Variants in RALY observed in about 807,000 individuals in gnomAD.
The protein encoded by RALY is RALY heterogeneous nuclear ribonucleoprotein, also known as RNA-binding protein Raly.
A neutral mutation model predicts 30.7 loss-of-function variants in RALY; 15 were observed. That is an observed-to-expected ratio of 0.49 (90% CI 0.33 to 0.75). The LOEUF (loss-of-function observed/expected upper bound fraction) is 0.75, where lower values mean the gene tolerates loss of function less well. RALY is among the 30% of genes least tolerant of loss of function. The probability of loss-of-function intolerance (pLI) is 0.02; values close to 1 mark genes in which losing one functional copy is unlikely to be tolerated. For missense variants in RALY, 339 were observed against 414.3 expected (o/e 0.82, Z 1.58); for synonymous variants, 177 against 170.8 (o/e 1.04, Z -0.28).
chr20:34,078,590 A>T (rs1410057946), intron 9 of RALY, 37 bp downstream of exon 9: 40 of 1,506,532 alleles, frequency 2.7e-5, no homozygotes, highest in Non-Finnish European at 3.3e-5. Context: ...GAGGGTGGGG[A>T]ATCAGTGAAG....
intron 1 of RALY, among the ~76,000 whole-genome samples, chr20:34,028,740 C>T (rs1482999005): frequency 7.4e-6 from 1 of 135,938 alleles, no homozygotes; most frequent in Non-Finnish European, 1.5e-5. Flanking sequence ...AAAAACATGG[C>T]AGAGAGAGTG....
intron 1 of RALY, among the ~76,000 whole-genome samples, chr20:34,022,082 C>A (rs928365623): frequency 1.4e-5 from 2 of 147,288 alleles, no homozygotes; most frequent in African/African-American, 2.5e-5. Context: ...TTTTTTCTTT[C>A]TTTCTTTCTT....
chr20:34,071,596 T>C (rs1477334684), intron 2 of RALY, among the ~76,000 whole-genome samples: 1 of 152,136 alleles, frequency 6.6e-6, no homozygotes, highest in Non-Finnish European at 1.5e-5. Flanking sequence ...TTTCATCATA[T>C]GGTGGTGGTC....
At position 34,048,853 on chromosome 20, in the gene RALY, CA is replaced by C. The variant is rs58117454; in HGVS notation, c.-10+17267del. On this transcript the variant is annotated intron_variant, in intron 2 of 9. Coordinates refer to ENST00000246194, the MANE Select transcript of RALY (RefSeq NM_016732.3). ...CCTGGGAGACAGCGAGACTCCGTCT[CA>C]AAAAAAAAAAAAAAAAATTTTCTCT... Among the ~76,000 whole-genome samples the C allele has an allele frequency of 1.4e-3, 145 of 105,620 alleles. 1 individual carries two copies. Among genetic ancestry groups the C allele is most frequent in the African/African-American group, 3.2e-3 (87 of 27,604 alleles). 69.3% of individuals were successfully genotyped at this position (105,620 alleles called of 152,430 possible). A position where few individuals can be genotyped will look rare whatever the true frequency, so the allele number is the denominator to read the frequency against.
chr20:34,002,828 T>C (rs909121726), intron 1 of RALY, among the ~76,000 whole-genome samples: 4 of 152,210 alleles, frequency 2.6e-5, no homozygotes, highest in East Asian at 1.9e-4. Context: ...TCGCTTCTTA[T>C]GTAGAAATGA....
intron 9 of RALY, among the ~76,000 whole-genome samples, chr20:34,079,076 GA>G (rs2033973762): frequency 6.6e-6 from 1 of 152,210 alleles, no homozygotes; most frequent in Non-Finnish European, 1.5e-5. Context: ...GTTGGTAGAG[GA>G]CTCTGCTTAT....
At chr20:34,058,707 C>T (rs2033329316) in intron 2 of RALY, among the ~76,000 whole-genome samples, 1 of 152,144 alleles carries the variant, frequency 6.6e-6, no homozygotes, top group Non-Finnish European at 1.5e-5. Context: ...ATGAGATGTC[C>T]AAGGTCACAC....
chr20:34,008,294 G>A (rs2123002940), intron 1 of RALY, among the ~76,000 whole-genome samples: 1 of 152,254 alleles, frequency 6.6e-6, no homozygotes, highest in Non-Finnish European at 1.5e-5. Context: ...AAGGAATCTG[G>A]GGAACATAGA....
intron 2 of RALY, among the ~76,000 whole-genome samples, chr20:34,064,334 A>C (rs2033505136): frequency 6.6e-6 from 1 of 152,160 alleles, no homozygotes; most frequent in Admixed American, 6.5e-5. Flanking sequence ...TTATATACCC[A>C]GAGCATGCTA....
chr20:34,017,687 G>C lies in RALY; in HGVS notation c.-92-13835G>C, dbSNP rs540774348. ...AGTGCAGAGTCAGGTTTCTGAACTGGCCTTGTGCAAGGAGAGGGAAGGGAT... is the reference window on the plus strand; with the variant it reads ...AGTGCAGAGTCAGGTTTCTGAACTGCCCTTGTGCAAGGAGAGGGAAGGGAT... On this transcript the variant is annotated intron_variant, in intron 1 of 9. Transcript: ENST00000246194. The C allele has an allele frequency of 3.3e-5, 5 of 152,388 alleles. No individual in the cohort carries two copies. In the East Asian group the frequency reaches 9.6e-4, roughly 29 times the overall value. 9.4% of individuals were successfully genotyped at this position (152,388 alleles called of 1,614,324 possible).
chr20:34,008,288 A>C (rs182436875), intron 1 of RALY, among the ~76,000 whole-genome samples: 88 of 152,236 alleles, frequency 5.8e-4, no homozygotes, highest in Middle Eastern at 3.4e-3. Flanking sequence ...ATGCTGAAGG[A>C]ATCTGGGGAA....
chr20:34,067,324 C>T (rs544043138), intron 2 of RALY, among the ~76,000 whole-genome samples: 18 of 152,142 alleles, frequency 1.2e-4, no homozygotes, highest in African/African-American at 3.9e-4. Flanking sequence ...CCACCATGCC[C>T]GGCTAATTTT....
intron 9 of RALY, among the ~76,000 whole-genome samples, chr20:34,079,274 A>G (rs2033980346): frequency 1.3e-5 from 2 of 152,222 alleles, no homozygotes; most frequent in Non-Finnish European, 2.9e-5. Context: ...TAAAGGGTGC[A>G]GGGAGATAAG....
At chr20:34,008,979 TA>T (rs1363281494) in intron 1 of RALY, among the ~76,000 whole-genome samples, 1 of 152,264 alleles carries the variant, frequency 6.6e-6, no homozygotes, top group East Asian at 1.9e-4. Flanking sequence ...TTGAGTGGAA[TA>T]AAAGCCTGGG....
chr20:34,011,661 C>T (rs143138902), intron 1 of RALY, among the ~76,000 whole-genome samples: 73 of 152,318 alleles, frequency 4.8e-4, no homozygotes, highest in African/African-American at 1.7e-3. Flanking sequence ...CTGTAGGAAA[C>T]AGCTTCTATA....
At chr20:34,060,031 T>A (rs1271417634) in intron 2 of RALY, among the ~76,000 whole-genome samples, 2 of 152,220 alleles carry the variant, frequency 1.3e-5, no homozygotes. Context: ...ATTCAGCACT[T>A]AATAAGTACC....
At chr20:34,005,324 A>G (rs988262288) in intron 1 of RALY, among the ~76,000 whole-genome samples, 1 of 152,060 alleles carries the variant, frequency 6.6e-6, no homozygotes, top group African/African-American at 2.4e-5. Context: ...ATCCTGACGG[A>G]GTAGTGAAAC....
In RALY at chr20:34,073,585, T is replaced by A; in HGVS notation, c.279T>A (p.Pro93=). The A allele has an allele frequency of 1.2e-6, 2 of 1,604,106 alleles. No individual in the cohort carries two copies. The highest frequency in any genetic ancestry group is 1.7e-6 in the Non-Finnish European group (2 of 1,170,856). Residue 93 remains proline (P), a synonymous_variant, in exon 4 of 10, where the codon CCT becomes CCA. Coordinates refer to ENST00000246194, the MANE Select transcript of RALY (RefSeq NM_016732.3). ...QTLDINMAGE[P]KPDRPKGLKR... ...CAGACATCAACATGGCTGGAGAGCC[T>A]AAGCCTGACAGACCCAAGGGGCTAA...
At chr20:34,064,584 A>G (rs529280626) in intron 2 of RALY, among the ~76,000 whole-genome samples, 3 of 152,298 alleles carry the variant, frequency 2.0e-5, no homozygotes, top group Admixed American at 6.5e-5. Flanking sequence ...GTTTGGTTGC[A>G]GATACTAGGA....
Sources: gnomAD v4.1 joint callset for allele counts (sites outside exome capture counted in the v4.1 genomes callset) on GRCh38, gnomAD v4.1.1 for gene constraint, MANE v1.5 for transcripts, NCBI Gene and HGNC (gene_info 2026-07-23, HGNC 2026-07-21) for gene names.